NOL4: variants seen among roughly 807,000 people sequenced by gnomAD.
NOL4 encodes the protein cancer/testis antigen 125.
NOL4 carries 17 observed loss-of-function variants against 75.9 expected under a neutral mutation model. The observed-to-expected ratio is 0.22, with a 90% CI of 0.15 to 0.34. The LOEUF (loss-of-function observed/expected upper bound fraction) is 0.34. Among genes scored for constraint, NOL4 ranks in the 10% least tolerant of loss-of-function variants. NOL4 has a pLI of 1.00. For missense variants in NOL4, 614 were observed against 793.5 expected, an observed-to-expected ratio of 0.77 and a Z score of 2.72; for synonymous variants, 292 against 289.9, an observed-to-expected ratio of 1.01 and a Z score of -0.07.
chr18:34,121,493 AG>A (rs1252673880), intron 2 of NOL4, among the ~76,000 whole-genome samples: 1 of 152,234 alleles, frequency 6.6e-6, no homozygotes, highest in African/African-American at 2.4e-5. Context: ...CAGTTGCTGT[AG>A]CCACTCAAAG....
At chr18:33,881,735 C>A (rs1219736777) in intron 10 of NOL4, among the ~76,000 whole-genome samples, 1 of 151,792 alleles carries the variant, frequency 6.6e-6, no homozygotes, top group African/African-American at 2.4e-5. Flanking sequence ...AAAAACGAGC[C>A]CGCATTGCCA....
intron 5 of NOL4, among the ~76,000 whole-genome samples, chr18:34,074,376 A>C (rs1020461069): frequency 6.6e-6 from 1 of 151,960 alleles, no homozygotes; most frequent in South Asian, 2.1e-4. Flanking sequence ...TTTAGAGATA[A>C]CACTCTTCAT....
chr18:34,159,200 C>T (rs928254211), intron 1 of NOL4, among the ~76,000 whole-genome samples: 1 of 152,072 alleles, frequency 6.6e-6, no homozygotes, highest in African/African-American at 2.4e-5. Context: ...CTCCTCGCCT[C>T]CCCCGACCTG....
chr18:33,906,382 A>G (rs1196993837), intron 9 of NOL4, among the ~76,000 whole-genome samples: 7 of 152,166 alleles, frequency 4.6e-5, no homozygotes, highest in African/African-American at 1.4e-4. Context: ...TGGTTAAGAC[A>G]TTAGTCCACC....
chr18:34,080,336 A>C (rs1472626496), intron 5 of NOL4, among the ~76,000 whole-genome samples: 2 of 152,176 alleles, frequency 1.3e-5, no homozygotes, highest in Non-Finnish European at 2.9e-5. Flanking sequence ...TATCATCTGC[A>C]AGATTGTGGG....
chr18:33,939,546 G>A (rs373187021), intron 9 of NOL4, among the ~76,000 whole-genome samples: 1 of 151,968 alleles, frequency 6.6e-6, no homozygotes, highest in East Asian at 1.9e-4. Context: ...ATTGTGAATG[G>A]GAGTTCACTC....
At chr18:34,089,867 G>C (rs867872869) in intron 5 of NOL4, among the ~76,000 whole-genome samples, 4 of 152,110 alleles carry the variant, frequency 2.6e-5, no homozygotes, top group African/African-American at 9.7e-5. Flanking sequence ...CACTGAGTTT[G>C]ATATACATTC....
In NOL4 at chr18:33,852,772, G is replaced by T; in HGVS notation, c.*70C>A. On this transcript the variant is annotated 3_prime_UTR_variant, in exon 11 of 11. Transcript: ENST00000261592. ...GTGCAGTAAGACCAGAAGTATCTCTGTTGGGAAATCAAAATGTCATTAGTG... is the reference window on the plus strand; with the variant it reads ...GTGCAGTAAGACCAGAAGTATCTCTTTTGGGAAATCAAAATGTCATTAGTG... The T allele has an allele frequency of 7.5e-7, 1 of 1,327,648 alleles. No individual in the cohort carries two copies. 82.2% of individuals were successfully genotyped at this position (1,327,648 alleles called of 1,614,324 possible).
At chr18:33,919,454 TA>T (rs1241490817) in intron 9 of NOL4, among the ~76,000 whole-genome samples, 11 of 152,204 alleles carry the variant, frequency 7.2e-5, no homozygotes, top group Non-Finnish European at 1.6e-4. Context: ...AACTTGCATA[TA>T]ACTTTTCAGA....
chr18:34,218,445 G>A (rs902139845), intron 1 of NOL4, among the ~76,000 whole-genome samples: 16 of 152,134 alleles, frequency 1.1e-4, no homozygotes, highest in African/African-American at 3.4e-4. Flanking sequence ...CTTCATACAC[G>A]AACAGGGTCA....
chr18:34,124,428 T>C (rs1332044636), intron 2 of NOL4, among the ~76,000 whole-genome samples: 1 of 152,212 alleles, frequency 6.6e-6, no homozygotes, highest in Non-Finnish European at 1.5e-5. Flanking sequence ...TATTCATTTA[T>C]TTCAAAATAT....
At chr18:33,888,105 C>T (rs985889116) in intron 9 of NOL4, among the ~76,000 whole-genome samples, 1 of 152,096 alleles carries the variant, frequency 6.6e-6, no homozygotes, top group Non-Finnish European at 1.5e-5. Flanking sequence ...TTTTAATGAT[C>T]ACCATTCTAA....
intron 9 of NOL4, among the ~76,000 whole-genome samples, chr18:33,926,268 G>A (rs1018206412): frequency 1.4e-5 from 2 of 147,922 alleles, no homozygotes; most frequent in South Asian, 2.2e-4. Flanking sequence ...GCTGAGGCAG[G>A]AGAATCGCTT....
intron 1 of NOL4, among the ~76,000 whole-genome samples, chr18:34,176,624 A>G (rs541406615): frequency 2.3e-4 from 35 of 152,224 alleles, no homozygotes; most frequent in Admixed American, 1.3e-4. Context: ...ATGGGCTCTC[A>G]TAATAGGACT....
intron 1 of NOL4, among the ~76,000 whole-genome samples, chr18:34,202,126 C>T (rs1359585167): frequency 6.6e-6 from 1 of 151,648 alleles, no homozygotes; most frequent in Non-Finnish European, 1.5e-5. Context: ...TTGTATTGAC[C>T]TAAAAGAAAG....
chr18:33,861,873 C>T (rs2063153977), intron 10 of NOL4, among the ~76,000 whole-genome samples: 1 of 151,962 alleles, frequency 6.6e-6, no homozygotes, highest in Non-Finnish European at 1.5e-5. Flanking sequence ...CAATGCCATC[C>T]CCATCAAGCT....
At chr18:34,200,327 A>C (rs2146476786) in intron 1 of NOL4, among the ~76,000 whole-genome samples, 1 of 151,942 alleles carries the variant, frequency 6.6e-6, no homozygotes, top group East Asian at 1.9e-4. Context: ...AAATTGTCTC[A>C]GTACCGGTGC....
At chr18:33,924,980 CA>C (rs2067242063) in intron 9 of NOL4, among the ~76,000 whole-genome samples, 1 of 151,974 alleles carries the variant, frequency 6.6e-6, no homozygotes, top group African/African-American at 2.4e-5. Flanking sequence ...CTCAATCCCC[CA>C]AGTATCATTT....
chr18:34,033,089 GAAAA>G (rs888929575), intron 5 of NOL4, among the ~76,000 whole-genome samples: 16 of 151,914 alleles, frequency 1.1e-4, no homozygotes, highest in Non-Finnish European at 8.8e-5. Context: ...CAGAAATTTG[GAAAA>G]AATAACTATA....
Sources: gnomAD v4.1 joint callset for allele counts (sites outside exome capture counted in the v4.1 genomes callset) on GRCh38, gnomAD v4.1.1 for gene constraint, MANE v1.5 for transcripts, NCBI Gene and HGNC (gene_info 2026-07-23, HGNC 2026-07-21) for gene names.